Variants in OR4F15 observed in about 807,000 individuals in gnomAD.
The protein encoded by OR4F15 is olfactory receptor family 4 subfamily F member 15, also known as olfactory receptor 4F15.
A neutral mutation model predicts 11.9 loss-of-function variants in OR4F15; 7 were observed. That is an observed-to-expected ratio of 0.59 (90% CI 0.33 to 1.10). The LOEUF (loss-of-function observed/expected upper bound fraction) is 1.10. Among genes scored for constraint, OR4F15 ranks in the 50% least tolerant of loss-of-function variants. OR4F15 has a pLI of 0.03. For missense variants in OR4F15, 445 were observed against 377.5 expected, an observed-to-expected ratio of 1.18 and a Z score of -1.48; for synonymous variants, 151 against 134.6, an observed-to-expected ratio of 1.12 and a Z score of -0.84.
chr15:101,815,189 CATTTT>C (rs1902967792), intron 1 of OR4F15, among the ~76,000 whole-genome samples: 1 of 152,134 alleles, frequency 6.6e-6, no homozygotes, highest in African/African-American at 2.4e-5. Flanking sequence ...CTTAGATTCT[CATTTT>C]ATCTATGTTC....
In OR4F15 at chr15:101,814,007, A is replaced by G. The variant is rs147515654; in HGVS notation, c.-38+1735A>G. The stretch of plus-strand genomic sequence containing the variant: ...TTGGGATGCATCAAAATAATCAAAC[A>G]CTTATAACCCAATGTGTCATCCTGG... On this transcript the variant is annotated intron_variant, in intron 1 of 1. Coordinates refer to ENST00000332238, the MANE Select transcript of OR4F15 (RefSeq NM_001001674.2). 8.4e-3 allele frequency among the ~76,000 whole-genome samples: 1,280 copies of G among 152,316 alleles called. 13 individuals carry two copies. The highest frequency in any genetic ancestry group is 0.048 in the South Asian group (230 of 4,820).
intron 1 of OR4F15, among the ~76,000 whole-genome samples, chr15:101,813,104 C>G (rs1306421852): frequency 1.3e-5 from 2 of 152,114 alleles, no homozygotes; most frequent in Non-Finnish European, 2.9e-5. Flanking sequence ...TGACAGAGTA[C>G]CTGACAACTT....
intron 1 of OR4F15, among the ~76,000 whole-genome samples, chr15:101,817,262 T>C (rs192809694): frequency 1.4e-4 from 21 of 152,366 alleles, no homozygotes; most frequent in African/African-American, 4.1e-4. Context: ...ATAGGGATAC[T>C]GTGATAATTC....
Position 101,819,104 on chromosome 15 carries a change from G to A in OR4F15, c.918G>A (p.Ala306=), listed in dbSNP as rs12324219. The A allele has an allele frequency of 1.1e-3, 1,706 of 1,604,798 alleles. 13 individuals are homozygous for A. The African/African-American group carries it at 0.02, about 19-fold the overall frequency. The stretch of plus-strand genomic sequence containing the variant: ...TGAGGAGACTGTGCAGTCGTCTTGC[G>A]CATTTTACAAAGATTTTGTAAATGG... ...VAMRRLCSRL[A]HFTKIL is the part of the protein sequence containing the mutation. Residue 306 remains alanine (A), a synonymous_variant, in exon 2 of 2, where the codon GCG becomes GCA. Coordinates refer to ENST00000332238, the MANE Select transcript of OR4F15 (RefSeq NM_001001674.2).
intron 1 of OR4F15, among the ~76,000 whole-genome samples, chr15:101,815,700 C>T (rs1902976932): frequency 6.6e-6 from 1 of 152,102 alleles, no homozygotes; most frequent in Admixed American, 6.6e-5. Context: ...CTTGTCAATG[C>T]TATATGCCCA....
chr15:101,818,450 G>A lies in OR4F15; in HGVS notation c.264G>A (p.Lys88=), dbSNP rs771339655. Residue 88 remains lysine, a synonymous_variant, in exon 2 of 2, where the codon AAG becomes AAA. Transcript: ENST00000332238. The part of the protein sequence containing the change: ...APKMICDIFK[K]HKAISFRGCI... Reference sequence around the variant, plus strand: ...AGATGATTTGTGATATTTTCAAGAAGCACAAGGCCATCTCCTTTCGGGGAT... The same window carrying A: ...AGATGATTTGTGATATTTTCAAGAAACACAAGGCCATCTCCTTTCGGGGAT... The A allele has an allele frequency of 1.2e-6, 2 of 1,614,046 alleles. No homozygotes were observed. The highest frequency in any genetic ancestry group is 1.7e-6 in the Non-Finnish European group (2 of 1,179,996).
Position 101,818,250 on chromosome 15 carries a change from G to A in OR4F15, c.64G>A (p.Glu22Lys), listed in dbSNP as rs1903027778. ...FVFMGLTNSR[E>K]IQLLLFVFSL... ...ATTCATGGGACTCACCAACTCACGG[G>A]AGATTCAGCTTCTACTTTTTGTTTT... Residue 22 changes from glutamate to lysine, a missense_variant, in exon 2 of 2, where the codon GAG becomes AAG. Transcript: ENST00000332238. The A allele has an allele frequency of 6.2e-7, 1 of 1,613,920 alleles. No individual in the cohort carries two copies. The highest frequency in any genetic ancestry group is 1.3e-5 in the African/African-American group (1 of 74,908).
intron 1 of OR4F15, among the ~76,000 whole-genome samples, chr15:101,815,426 T>TG (rs747232425): frequency 2.0e-5 from 3 of 152,106 alleles, no homozygotes; most frequent in South Asian, 2.1e-4. Flanking sequence ...TATATATATG[T>TG]GGGGAGATAA....
Position 101,812,249 on chromosome 15 carries a change from A to T in OR4F15, c.-61A>T, listed in dbSNP as rs1399414580. ...AATGGGAGCATGATAAACTAGATAA[A>T]CTTCAGCTGCAAGAAAGACTCAGGT... On this transcript the variant is annotated 5_prime_UTR_variant, in exon 1 of 2. Transcript: ENST00000332238. The T allele has an allele frequency of 1.3e-5, 2 of 152,214 alleles. No individual in the cohort carries two copies. Among genetic ancestry groups the T allele is most frequent in the Non-Finnish European group, 2.9e-5 (2 of 68,046 alleles). The allele number at this position is 152,214 out of a possible 1,614,324, so 9.4% of individuals were successfully genotyped here.
At chr15:101,816,983 C>T (rs910108865) in intron 1 of OR4F15, among the ~76,000 whole-genome samples, 2 of 152,120 alleles carry the variant, frequency 1.3e-5, no homozygotes, top group African/African-American at 4.8e-5. Context: ...AAAAGAGAGA[C>T]TGCCTTTATG....
At chr15:101,813,681 A>C (rs1902942519) in intron 1 of OR4F15, among the ~76,000 whole-genome samples, 1 of 152,196 alleles carries the variant, frequency 6.6e-6, no homozygotes, top group Non-Finnish European at 1.5e-5. Context: ...ATTGAGAATA[A>C]TGAACATCTT....
At position 101,818,471 on chromosome 15, in the gene OR4F15, G is replaced by A; in HGVS notation, c.285G>A (p.Arg95=). The part of the protein sequence containing the change: ...IFKKHKAISF[R]GCITQIFFSH... ...AGAAGCACAAGGCCATCTCCTTTCG[G>A]GGATGTATTACTCAGATCTTCTTTA... Residue 95 remains arginine, a synonymous_variant, in exon 2 of 2, where the codon CGG becomes CGA. Coordinates refer to ENST00000332238, the MANE Select transcript of OR4F15 (RefSeq NM_001001674.2). The A allele has an allele frequency of 6.2e-7, 1 of 1,614,080 alleles. No individual in the cohort carries two copies. Among genetic ancestry groups the A allele is most frequent in the East Asian group, 2.2e-5 (1 of 44,868 alleles).
At position 101,819,423 on chromosome 15, in the gene OR4F15, T is replaced by A. The variant is rs1220210821; in HGVS notation, c.*298T>A. The A allele has an allele frequency of 1.1e-5, 3 of 266,118 alleles. No homozygotes were observed. Among genetic ancestry groups the A allele is most frequent in the African/African-American group, 6.7e-5 (3 of 44,966 alleles). The allele number at this position is 266,118 out of a possible 1,614,324, so 16.5% of individuals were successfully genotyped here. On this transcript the variant is annotated 3_prime_UTR_variant, in exon 2 of 2. Transcript: ENST00000332238. ...TAACAATACTATGTCTTTTATTTTTTCTACTGGACAGATTATTCTATTGAT... is the reference window on the plus strand; with the variant it reads ...TAACAATACTATGTCTTTTATTTTTACTACTGGACAGATTATTCTATTGAT...
intron 1 of OR4F15, among the ~76,000 whole-genome samples, chr15:101,813,634 G>A (rs571306310): frequency 5.3e-5 from 8 of 152,196 alleles, no homozygotes; most frequent in Admixed American, 1.3e-4. Flanking sequence ...GGTTCAGAAC[G>A]TAGTCTCAGA....
In OR4F15 at chr15:101,818,541, G is replaced by T. The variant is rs757750345; in HGVS notation, c.355G>T (p.Ala119Ser). 1 of 1,613,898 alleles carries T rather than the reference G, an allele frequency of 6.2e-7. No individual in the cohort carries two copies. The highest frequency in any genetic ancestry group is 1.3e-5 in the African/African-American group (1 of 74,896). ...GTEMVLLIAMAFDRYMAICKP... is the reference protein window; with the variant it reads ...GTEMVLLIAMSFDRYMAICKP... ...TGAGATGGTGCTGCTCATAGCCATG[G>T]CCTTTGACAGATACATGGCCATATG... The change falls in exon 2 of 2, where the codon GCC (alanine) becomes TCC (serine). Residue 119 changes from alanine to serine, a missense_variant. Coordinates refer to ENST00000332238, the MANE Select transcript of OR4F15 (RefSeq NM_001001674.2).
chr15:101,814,479 G>A (rs1428177437), intron 1 of OR4F15, among the ~76,000 whole-genome samples: 2 of 152,002 alleles, frequency 1.3e-5, no homozygotes, highest in African/African-American at 2.4e-5. Context: ...AGGGACTTTA[G>A]TATCTTAACC....
At position 101,818,398 on chromosome 15, in the gene OR4F15, T is replaced by G. The variant is rs141041661; in HGVS notation, c.212T>G (p.Met71Arg). 1.2e-6 allele frequency: 2 copies of G among 1,614,016 alleles called. No homozygotes were observed. Among genetic ancestry groups the G allele is most frequent in the African/African-American group, 2.7e-5 (2 of 74,932 alleles). Residue 71 changes from methionine to arginine, a missense_variant, in exon 2 of 2, where the codon ATG (methionine) becomes AGG (arginine). Coordinates refer to ENST00000332238, the MANE Select transcript of OR4F15 (RefSeq NM_001001674.2). ...CTGGCTAACCTCTCAATCATTGATA[T>G]GGCATTTTGCTCAATTACAGCCCCT... ...FLLANLSIID[M>R]AFCSITAPKM...
At position 101,818,912 on chromosome 15, in the gene OR4F15, T is replaced by A; in HGVS notation, c.726T>A (p.Ala242=). Residue 242 remains alanine (A), a synonymous_variant, in exon 2 of 2, where the codon GCT becomes GCA. Coordinates refer to ENST00000332238, the MANE Select transcript of OR4F15 (RefSeq NM_001001674.2). ...CCAAGGCCCTCTCTACCCTGTCAGC[T>A]CATGTCACTGTGGTCATCTTGTTCT... ...GLAKALSTLS[A]HVTVVILFFG... 1 of 1,614,172 alleles carries A rather than the reference T, an allele frequency of 6.2e-7. No individual in the cohort carries two copies. The highest frequency in any genetic ancestry group is 8.5e-7 in the Non-Finnish European group (1 of 1,180,008).
chr15:101,816,295 G>A (rs936954411), intron 1 of OR4F15, among the ~76,000 whole-genome samples: 10 of 152,152 alleles, frequency 6.6e-5, no homozygotes, highest in Non-Finnish European at 1.2e-4. Flanking sequence ...GAGGCAGAAT[G>A]TCATGAGCCA....
Sources: allele counts gnomAD v4.1 joint callset (sites outside exome capture counted in the v4.1 genomes callset), GRCh38; gene constraint gnomAD v4.1.1; transcripts MANE v1.5; gene names NCBI Gene and HGNC (gene_info 2026-07-23, HGNC 2026-07-21).